The following FBXL22 variants were observed in gnomAD, a reference collection of about 807,000 sequenced individuals.
FBXL22 encodes the protein F-box and leucine rich repeat protein 22.
In FBXL22, 13 loss-of-function variants were observed where a neutral mutation model predicts 11.7. The ratio of observed to expected loss-of-function variants is 1.11; its 90% CI spans 0.73 to 1.77. The LOEUF (loss-of-function observed/expected upper bound fraction) is 1.77. Among genes scored for constraint, FBXL22 ranks in the 40% most tolerant of loss-of-function variants. FBXL22 has a pLI of 0.00. For synonymous variants in FBXL22, 160 were observed against 144.1 expected, an observed-to-expected ratio of 1.11 and a Z score of -0.79; for missense variants, 406 against 320.4, an observed-to-expected ratio of 1.27 and a Z score of -2.04.
chr15:63,602,574 G>C (rs886614787), downstream of FBXL22: 1 of 116,238 alleles, frequency 8.6e-6, no homozygotes, highest in Non-Finnish European at 1.7e-5. Context: ...GCGACAGAGA[G>C]ACTCTTGTCT....
rs1595792914 is a variant in FBXL22 at position 63,597,888 on chromosome 15, G to A, written c.353+143G>A. 6 of 709,348 alleles carry A rather than the reference G, an allele frequency of 8.5e-6. No homozygotes were observed. The highest frequency in any genetic ancestry group is 7.8e-5 in the South Asian group (4 of 51,240). 43.9% of individuals were successfully genotyped at this position (709,348 alleles called of 1,614,324 possible). Reference sequence around the variant, plus strand: ...TAGGCCCAAGGCAGACATCCAGACCGCCCAAAGCAGGGTCCCCAGGAGACA... The same window carrying A: ...TAGGCCCAAGGCAGACATCCAGACCACCCAAAGCAGGGTCCCCAGGAGACA... On this transcript the variant is annotated intron_variant, in intron 1 of 1. Coordinates refer to ENST00000638704, the MANE Select transcript of FBXL22 (RefSeq NM_001367807.1). The surrounding 1 kb of genome is among the most constrained non-coding windows in gnomAD (Gnocchi z 4.3).
chr15:63,601,274 T>G, downstream of FBXL22: 1 of 1,554,810 alleles, frequency 6.4e-7, no homozygotes, highest in Non-Finnish European at 8.6e-7. Flanking sequence ...CCACCGCCTT[T>G]CCCCTCTTGC....
chr15:63,601,015 C>A lies in FBXL22; in HGVS notation c.672C>A (p.Ala224=). The change falls in exon 2 of 2, where the codon GCC becomes GCA. Residue 224 remains alanine (A), a synonymous_variant. Transcript: ENST00000638704. ...QPPRPRAPAA[A]LGKLLQR is the part of the protein sequence containing the mutation. ...CGCGCCCGCGCGCGCCCGCCGCGGCCCTCGGCAAGCTGCTGCAGCGCTAGA... is the reference window on the plus strand; with the variant it reads ...CGCGCCCGCGCGCGCCCGCCGCGGCACTCGGCAAGCTGCTGCAGCGCTAGA... 8.3e-7 allele frequency: 1 copy of A among 1,206,612 alleles called. No individual in the cohort carries two copies. The highest frequency in any genetic ancestry group is 1.0e-6 in the Non-Finnish European group (1 of 972,130). 74.7% of individuals were successfully genotyped at this position (1,206,612 alleles called of 1,614,324 possible).
chr15:63,601,880 A>G, downstream of FBXL22: 1 of 763,502 alleles, frequency 1.3e-6, no homozygotes, highest in South Asian at 2.2e-5. Flanking sequence ...ATAAGCTGAC[A>G]AGCTAGATTT....
intron 1 of FBXL22, chr15:63,599,333 G>C (rs2067326676): frequency 2.1e-6 from 3 of 1,450,126 alleles, no homozygotes; most frequent in Admixed American, 5.4e-5. Context: ...AAGATTCTTA[G>C]AAGAAAAGAT....
chr15:63,601,925 C>A, downstream of FBXL22: 1 of 549,338 alleles, frequency 1.8e-6, no homozygotes, highest in Non-Finnish European at 3.1e-6. Context: ...TGAGCACAAG[C>A]CTAGGCTTCC....
At chr15:63,603,083 G>T (rs932382618), downstream of FBXL22, among the ~76,000 whole-genome samples, 1 of 151,980 alleles carries the variant, frequency 6.6e-6, no homozygotes, top group African/African-American at 2.4e-5. Flanking sequence ...CTATTTAATT[G>T]TGTGATGTCT....
intron 1 of FBXL22, chr15:63,599,578 A>G (rs1303465004): frequency 2.0e-6 from 2 of 1,021,850 alleles, no homozygotes; most frequent in Non-Finnish European, 2.3e-6. Flanking sequence ...ACAAACCTGA[A>G]GGAGGCCCGG....
chr15:63,601,839 C>T (rs1327497458), downstream of FBXL22: 2 of 1,128,146 alleles, frequency 1.8e-6, no homozygotes, highest in Non-Finnish European at 2.4e-6. Flanking sequence ...AAACCAGCAG[C>T]CCTGGCTAAG....
Position 63,600,777 on chromosome 15 carries a change from G to A in FBXL22, c.434G>A (p.Cys145Tyr), listed in dbSNP as rs2067356107. 3 of 1,231,180 alleles carry A rather than the reference G, an allele frequency of 2.4e-6. No individual in the cohort carries two copies. Among genetic ancestry groups the A allele is most frequent in the Admixed American group, 4.2e-5 (1 of 23,688 alleles). 76.3% of individuals were successfully genotyped at this position (1,231,180 alleles called of 1,614,324 possible). Residue 145 changes from cysteine (C) to tyrosine (Y), a missense_variant, in exon 2 of 2, where the codon TGC becomes TAC. Cys to Tyr is a radical substitution (Grantham distance 194). Transcript: ENST00000638704. ...DDCLARLLRCCPRLRALRLEN... is the reference protein window; with the variant it reads ...DDCLARLLRCYPRLRALRLEN... ...TGCCTGGCGCGCCTGCTGCGCTGCT[G>A]CCCACGCCTGCGCGCACTGCGCCTG...
chr15:63,600,711 C>T lies in FBXL22; in HGVS notation c.368C>T (p.Ala123Val). Residue 123 changes from alanine to valine, a missense_variant, in exon 2 of 2, where the codon GCG (alanine) becomes GTG (valine). Coordinates refer to ENST00000638704, the MANE Select transcript of FBXL22 (RefSeq NM_001367807.1). The part of the protein sequence containing the change: ...LRVCDRCPNL[A>V]SVTLSGCGHV... ...TCTCCTCACAGGTGCCCCAACCTGG[C>T]GTCCGTCACGCTCTCGGGCTGCGGC... is the stretch of plus-strand genomic sequence containing the variant. 1.6e-6 allele frequency: 2 copies of T among 1,231,542 alleles called. No individual in the cohort carries two copies. The highest frequency in any genetic ancestry group is 2.0e-6 in the Non-Finnish European group (2 of 987,808). 76.3% of individuals were successfully genotyped at this position (1,231,542 alleles called of 1,614,324 possible).
downstream of FBXL22, chr15:63,601,612 G>A: frequency 6.3e-7 from 1 of 1,596,462 alleles, no homozygotes. Context: ...CCACCGAGCC[G>A]CTCCTCCTTG....
At chr15:63,601,612 GCTC>G (rs2067373926), downstream of FBXL22, 1 of 1,596,344 alleles carries the variant, frequency 6.3e-7, no homozygotes, top group South Asian at 1.1e-5. Flanking sequence ...CCACCGAGCC[GCTC>G]CTCCTTGCGG....
chr15:63,604,977 G>T (rs970379990), downstream of FBXL22, among the ~76,000 whole-genome samples: 1 of 152,186 alleles, frequency 6.6e-6, no homozygotes, highest in South Asian at 2.1e-4. Context: ...GCTTGAACCC[G>T]GGAGACAGTG....
At position 63,600,706 on chromosome 15, in the gene FBXL22, C is replaced by A; in HGVS notation, c.363C>A (p.Asn121Lys). 8.1e-7 allele frequency: 1 copy of A among 1,231,552 alleles called. No individual in the cohort carries two copies. The highest frequency in any genetic ancestry group is 1.0e-6 in the Non-Finnish European group (1 of 987,810). The allele number at this position is 1,231,552 out of a possible 1,614,324, so 76.3% of individuals were successfully genotyped here. A position where few individuals can be genotyped will look rare whatever the true frequency, so the allele number is the denominator to read the frequency against. ...CGCACTCTCCTCACAGGTGCCCCAA[C>A]CTGGCGTCCGTCACGCTCTCGGGCT... ...FLLRVCDRCPNLASVTLSGCG... is the reference protein window; with the variant it reads ...FLLRVCDRCPKLASVTLSGCG... The change falls in exon 2 of 2, where the codon AAC (asparagine) becomes AAA (lysine). Residue 121 changes from asparagine to lysine, a missense_variant. Coordinates refer to ENST00000638704, the MANE Select transcript of FBXL22 (RefSeq NM_001367807.1).
At chr15:63,601,545 G>T (rs1211738068), downstream of FBXL22, 4 of 1,559,384 alleles carry the variant, frequency 2.6e-6, no homozygotes, top group African/African-American at 2.7e-5. Flanking sequence ...CAGGAGCCCC[G>T]GTGGTGATCT....
Position 63,601,120 on chromosome 15 carries a change from A to C in FBXL22, c.*81A>C, listed in dbSNP as rs1566929799. On this transcript the variant is annotated 3_prime_UTR_variant, in exon 2 of 2. Coordinates refer to ENST00000638704, the MANE Select transcript of FBXL22 (RefSeq NM_001367807.1). ...TCGAACCCAGCTCTTCCACCTTCAGACCACCACCGCATATTCTGAGCCTCA... is the reference window on the plus strand; with the variant it reads ...TCGAACCCAGCTCTTCCACCTTCAGCCCACCACCGCATATTCTGAGCCTCA... 1 of 1,328,652 alleles carries C rather than the reference A, an allele frequency of 7.5e-7. No individual in the cohort carries two copies. 82.3% of individuals were successfully genotyped at this position (1,328,652 alleles called of 1,614,324 possible). A position where few individuals can be genotyped will look rare whatever the true frequency, so the allele number is the denominator to read the frequency against.
downstream of FBXL22, among the ~76,000 whole-genome samples, chr15:63,604,431 A>G (rs2067404027): frequency 1.3e-5 from 2 of 152,184 alleles, no homozygotes; most frequent in Non-Finnish European, 2.9e-5. Context: ...ACAGAACTCA[A>G]GCAGTGCTGG....
downstream of FBXL22, among the ~76,000 whole-genome samples, chr15:63,603,945 T>C (rs573848831): frequency 6.6e-6 from 1 of 152,328 alleles, no homozygotes; most frequent in South Asian, 2.1e-4. Flanking sequence ...CTGAACACTG[T>C]TGAAAGCAAG....
Sources: gnomAD v4.1 joint callset for allele counts (sites outside exome capture counted in the v4.1 genomes callset) on GRCh38, gnomAD v4.1.1 for gene constraint, Gnocchi (gnomAD v3.1) non-coding constraint, MANE v1.5 for transcripts, NCBI Gene and HGNC (gene_info 2026-07-23, HGNC 2026-07-21) for gene names.